CGNL1: variants seen among roughly 807,000 people sequenced by gnomAD.
The protein encoded by CGNL1 is cingulin like 1.
A neutral mutation model predicts 141.2 loss-of-function variants in CGNL1; 132 were observed. The observed-to-expected ratio is 0.93, with a 90% CI of 0.81 to 1.08. The LOEUF (loss-of-function observed/expected upper bound fraction) is 1.08, where lower values mean the gene tolerates loss of function less well. Ranked by LOEUF, CGNL1 falls within the 50% of genes least tolerant of loss-of-function variation. The probability of loss-of-function intolerance (pLI) is 0.00; values close to 1 mark genes in which losing one functional copy is unlikely to be tolerated. For missense variants in CGNL1, 1,870 were observed against 1,588.6 expected, an observed-to-expected ratio of 1.18 and a Z score of -3.01; for synonymous variants, 690 against 622.1, an observed-to-expected ratio of 1.11 and a Z score of -1.63.
At chr15:57,523,465 C>T in intron 10 of CGNL1, 24 bp from the exon 11 acceptor site, 1 of 1,613,512 alleles carries the variant, frequency 6.2e-7, no homozygotes, top group Non-Finnish European at 8.5e-7. Context: ...GGTGACAGCA[C>T]TGTCCTTTCC....
chr15:57,463,141 C>A (rs2063467376), intron 8 of CGNL1, among the ~76,000 whole-genome samples: 1 of 152,068 alleles, frequency 6.6e-6, no homozygotes, highest in Non-Finnish European at 1.5e-5. Flanking sequence ...TTCTGGGTGG[C>A]TCCTTTAAGG....
At chr15:57,451,704 C>T in intron 5 of CGNL1, 103 bp downstream of exon 5, 2 of 757,622 alleles carry the variant, frequency 2.6e-6, no homozygotes, top group South Asian at 1.9e-5. Context: ...AATTTTTTTT[C>T]CCCCAAAAGA....
At chr15:57,393,453 T>C (rs1344596257) in intron 1 of CGNL1, among the ~76,000 whole-genome samples, 1 of 152,216 alleles carries the variant, frequency 6.6e-6, no homozygotes, top group Non-Finnish European at 1.5e-5. Flanking sequence ...AAATGTGCAG[T>C]GGAATGATTC....
intron 8 of CGNL1, among the ~76,000 whole-genome samples, chr15:57,511,592 T>A (rs879331323): frequency 6.6e-6 from 1 of 152,216 alleles, no homozygotes; most frequent in Non-Finnish European, 1.5e-5. Context: ...CAGCAATCGA[T>A]GAGAATACGT....
At chr15:57,417,580 C>T (rs2062862922) in intron 1 of CGNL1, among the ~76,000 whole-genome samples, 1 of 149,652 alleles carries the variant, frequency 6.7e-6, no homozygotes, top group Admixed American at 6.6e-5. Flanking sequence ...TCAAATGCTA[C>T]ATTAGTCACT....
At chr15:57,452,359 C>A in intron 6 of CGNL1, 70 bp downstream of exon 6, 1 of 1,350,464 alleles carries the variant, frequency 7.4e-7, no homozygotes, top group Admixed American at 2.3e-5. Flanking sequence ...AACTTTCTGT[C>A]CATTTAATAC....
At chr15:57,477,772 G>C (rs2063675204) in intron 8 of CGNL1, among the ~76,000 whole-genome samples, 1 of 152,134 alleles carries the variant, frequency 6.6e-6, no homozygotes, top group Admixed American at 6.5e-5. Flanking sequence ...ATTGTGAACT[G>C]TTTCCCTTGC....
At chr15:57,521,064 T>C (rs1280363) in intron 10 of CGNL1, among the ~76,000 whole-genome samples, 9 of 152,204 alleles carry the variant, frequency 5.9e-5, no homozygotes, top group East Asian at 3.8e-4. Context: ...TCATTATTCA[T>C]TGATGAGCTT....
chr15:57,440,587 A>T, intron 3 of CGNL1, 116 bp downstream of exon 3: 2 of 800,090 alleles, frequency 2.5e-6, no homozygotes, highest in Admixed American at 2.1e-5. Flanking sequence ...CAGCCGTTGG[A>T]GGGTTAAAAC....
Position 57,442,397 on chromosome 15 carries a change from T to C in CGNL1, c.1722T>C (p.Thr574=). ...KEGSTDNDDA[T]KRKVNLVFEK... ...GAAGCACTGATAATGACGATGCTAC[T>C]AAAAGGAAAGTCAACTTGGTCTTTG... Residue 574 remains threonine (T), a synonymous_variant, in exon 4 of 19, where the codon ACT becomes ACC. Coordinates refer to ENST00000281282, the MANE Select transcript of CGNL1 (RefSeq NM_032866.5). The C allele has an allele frequency of 6.2e-7, 1 of 1,613,190 alleles. No homozygotes were observed. The highest frequency in any genetic ancestry group is 1.7e-5 in the Admixed American group (1 of 60,004).
intron 1 of CGNL1, among the ~76,000 whole-genome samples, chr15:57,401,488 G>T (rs187973445): frequency 1.6e-3 from 240 of 152,268 alleles, no homozygotes; most frequent in Non-Finnish European, 2.5e-3. Flanking sequence ...CCGAGTTCTA[G>T]CATGCCTAAG....
intron 4 of CGNL1, among the ~76,000 whole-genome samples, chr15:57,444,839 C>A (rs184828748): frequency 1.3e-5 from 2 of 152,122 alleles, no homozygotes; most frequent in African/African-American, 4.8e-5. Context: ...GTTTCCATTT[C>A]GGGCTGGGAA....
At chr15:57,382,447 G>T (rs1302093578) in intron 1 of CGNL1, among the ~76,000 whole-genome samples, 1 of 152,190 alleles carries the variant, frequency 6.6e-6, no homozygotes, top group East Asian at 1.9e-4. Context: ...ACAGGGCAGG[G>T]TTTCTTCCCT....
intron 1 of CGNL1, among the ~76,000 whole-genome samples, chr15:57,382,108 C>T (rs2062431350): frequency 6.6e-6 from 1 of 152,178 alleles, no homozygotes; most frequent in Admixed American, 6.5e-5. Context: ...TGTGCACATC[C>T]AATTCCTGTT....
chr15:57,474,780 A>G (rs552167085), intron 8 of CGNL1, among the ~76,000 whole-genome samples: 3 of 152,312 alleles, frequency 2.0e-5, no homozygotes, highest in South Asian at 2.1e-4. Flanking sequence ...AATAGTGGTT[A>G]CTTCTGGGGA....
intron 1 of CGNL1, among the ~76,000 whole-genome samples, chr15:57,412,527 C>T (rs764600521): frequency 1.3e-5 from 2 of 152,132 alleles, no homozygotes; most frequent in Non-Finnish European, 2.9e-5. Flanking sequence ...CTGGCTGATG[C>T]GGGACTCCTT....
chr15:57,428,120 G>C (rs2063000054), intron 1 of CGNL1, among the ~76,000 whole-genome samples: 2 of 152,228 alleles, frequency 1.3e-5, no homozygotes, highest in African/African-American at 4.8e-5. Flanking sequence ...CCTGGCCGAG[G>C]AGTGACACTT....
At chr15:57,392,806 C>T (rs535155515) in intron 1 of CGNL1, among the ~76,000 whole-genome samples, 1 of 152,176 alleles carries the variant, frequency 6.6e-6, no homozygotes, top group Admixed American at 6.5e-5. Context: ...TGTTTAAAGT[C>T]TACTAAGTGT....
At chr15:57,497,787 A>T (rs1396746080) in intron 8 of CGNL1, among the ~76,000 whole-genome samples, 2 of 152,176 alleles carry the variant, frequency 1.3e-5, no homozygotes, top group Non-Finnish European at 2.9e-5. Context: ...GCGGGCTTGC[A>T]CCCATGCACA....
Sources: allele counts gnomAD v4.1 joint callset (sites outside exome capture counted in the v4.1 genomes callset), GRCh38; gene constraint gnomAD v4.1.1; transcripts MANE v1.5; gene names NCBI Gene and HGNC (gene_info 2026-07-23, HGNC 2026-07-21).